U2SURP: variants seen among roughly 807,000 people sequenced by gnomAD.
U2SURP encodes the protein U2 snRNP associated SURP domain containing.
A neutral mutation model predicts 144.9 loss-of-function variants in U2SURP; 9 were observed. The observed-to-expected ratio is 0.06, with a 90% CI of 0.04 to 0.11. The LOEUF is 0.11. Ranked by LOEUF, U2SURP falls within the 10% of genes least tolerant of loss-of-function variation. The probability of loss-of-function intolerance (pLI) is 1.00; values close to 1 mark genes in which losing one functional copy is unlikely to be tolerated. For synonymous variants in U2SURP, 408 were observed against 396.8 expected (o/e 1.03, Z -0.33); for missense variants, 724 against 1,226.7 (o/e 0.59, Z 6.12).
chr3:143,025,757 G>C (rs376844632), intron 13 of U2SURP: 1 of 152,080 alleles, frequency 6.6e-6, no homozygotes, highest in East Asian at 1.9e-4. Flanking sequence ...CCTTTGTAAA[G>C]ATTTAAACTG....
Position 143,012,292 on chromosome 3 carries a change from A to G in U2SURP, c.161A>G (p.Asn54Ser), listed in dbSNP as rs780034027. 8.1e-6 allele frequency: 13 copies of G among 1,613,438 alleles called. No homozygotes were observed. Among genetic ancestry groups the G allele is most frequent in the Non-Finnish European group, 1.1e-5 (13 of 1,179,524 alleles). The change falls in exon 3 of 28, where the codon AAT becomes AGT. Residue 54 changes from asparagine to serine, a missense_variant. Physicochemically the swap from Asn to Ser is conservative, Grantham distance 46 (BLOSUM62 1). Around this residue, in one of 13 missense-constraint regions of U2SURP, gnomAD observed 127 missense variants for 98.2 expected, o/e 1.29. Transcript: ENST00000473835. ...RTRPKSPRKH[N>S]YRNESARESL... is the part of the protein sequence containing the mutation. The stretch of plus-strand genomic sequence containing the variant: ...CGACCTAAGAGCCCAAGAAAACATA[A>G]TTATAGGAATGAAAGTGCCCGTGAA...
intron 26 of U2SURP, among the ~76,000 whole-genome samples, chr3:143,054,119 A>AT (rs2108321056): frequency 1.3e-5 from 2 of 152,330 alleles, no homozygotes; most frequent in East Asian, 3.9e-4. Context: ...GTTGCATCCA[A>AT]TTTAAGCATA....
chr3:143,042,258 G>T (rs932824699), intron 23 of U2SURP, among the ~76,000 whole-genome samples: 1 of 151,952 alleles, frequency 6.6e-6, no homozygotes, highest in African/African-American at 2.4e-5. Context: ...GTGAATACCG[G>T]TATTTGCTAA....
At chr3:143,053,229 C>T (rs530489087) in intron 25 of U2SURP, among the ~76,000 whole-genome samples, 49 of 151,986 alleles carry the variant, frequency 3.2e-4, no homozygotes, top group Non-Finnish European at 5.6e-4. Context: ...TGGAATTTTT[C>T]GGCAGGTGGG....
Position 143,056,570 on chromosome 3 carries a change from T to C in U2SURP, c.*120T>C, listed in dbSNP as rs1935163130. 1.6e-6 allele frequency: 2 copies of C among 1,244,574 alleles called. No individual in the cohort carries two copies. The highest frequency in any genetic ancestry group is 1.5e-5 in the African/African-American group (1 of 65,826). 77.1% of individuals were successfully genotyped at this position (1,244,574 alleles called of 1,614,324 possible). A position where few individuals can be genotyped will look rare whatever the true frequency, so the allele number is the denominator to read the frequency against. ...AGCATTCCTGGGGTTTTTTGTTTGT[T>C]TGTGTATGCATGTGTAAACTCATGA... On this transcript the variant is annotated 3_prime_UTR_variant, in exon 28 of 28. Coordinates refer to ENST00000473835, the MANE Select transcript of U2SURP (RefSeq NM_001080415.2).
intron 13 of U2SURP, chr3:143,024,377 A>AT (rs892634435): frequency 2.7e-6 from 1 of 368,110 alleles, no homozygotes; most frequent in Non-Finnish European, 5.2e-6. Context: ...ATCTGTTGTT[A>AT]TTTTTTTCTT....
chr3:143,021,703 T>G, intron 10 of U2SURP, 148 bp downstream of exon 10: 1 of 716,442 alleles, frequency 1.4e-6, no homozygotes, highest in Non-Finnish European at 2.3e-6. Context: ...TGGCCCAGGT[T>G]GTCTTGCCAC....
At chr3:143,019,001 G>A (rs573348016) in intron 6 of U2SURP, among the ~76,000 whole-genome samples, 1 of 152,294 alleles carries the variant, frequency 6.6e-6, no homozygotes, top group South Asian at 2.1e-4. Flanking sequence ...GTGTGAAGTT[G>A]TACTTCATTG....
chr3:143,028,097 G>A (rs1933261023), intron 14 of U2SURP, among the ~76,000 whole-genome samples: 1 of 152,030 alleles, frequency 6.6e-6, no homozygotes, highest in African/African-American at 2.4e-5. Flanking sequence ...CAGTGAAAAC[G>A]ATCATAAGAC....
intron 1 of U2SURP, among the ~76,000 whole-genome samples, chr3:143,001,945 C>G (rs942326466): frequency 2.0e-5 from 3 of 152,226 alleles, no homozygotes; most frequent in African/African-American, 7.2e-5. Context: ...ATCAGGAATT[C>G]AGATTGAGGT....
At chr3:143,018,716 A>G (rs1384193558) in intron 6 of U2SURP, among the ~76,000 whole-genome samples, 1 of 152,176 alleles carries the variant, frequency 6.6e-6, no homozygotes, top group African/African-American at 2.4e-5. Context: ...GTCGTACACT[A>G]ACACTTTGAG....
In U2SURP at chr3:143,053,795, GTATAACA is replaced by G; in HGVS notation, c.2774+3_2774+9del. 1 of 1,575,556 alleles carries G rather than the reference GTATAACA, an allele frequency of 6.3e-7. No individual in the cohort carries two copies. Among genetic ancestry groups the G allele is most frequent in the Non-Finnish European group, 8.6e-7 (1 of 1,165,470 alleles). The stretch of plus-strand genomic sequence containing the variant: ...AGTGTACTCCGACAAGGAAGGAAAG[GTATAACA>G]TTTCTCATATTTAATTGCATATACT... On this transcript the variant is annotated splice_donor_variant and splice_donor_5th_base_variant and intron_variant, in intron 26 of 27. Transcript: ENST00000473835. LOFTEE classifies it high-confidence loss of function.
chr3:143,042,782 A>G (rs1027943180), intron 23 of U2SURP, among the ~76,000 whole-genome samples: 2 of 152,238 alleles, frequency 1.3e-5, no homozygotes. Context: ...TGAACTGTGA[A>G]GTATGCAGAA....
chr3:143,052,950 G>GTTTTT (rs11436960), intron 25 of U2SURP, among the ~76,000 whole-genome samples: 4 of 132,938 alleles, frequency 3.0e-5, no homozygotes, highest in Non-Finnish European at 4.7e-5. Flanking sequence ...AAATGTGTTG[G>GTTTTT]TTTTTTTTTT....
chr3:143,054,805 T>C (rs1385597144), intron 26 of U2SURP, 138 bp from the exon 27 acceptor site: 3 of 846,002 alleles, frequency 3.5e-6, no homozygotes, highest in Non-Finnish European at 5.1e-6. Flanking sequence ...CAAAGGACTT[T>C]GAGTATTGTT....
At chr3:143,007,682 A>T (rs1413129829) in intron 1 of U2SURP, among the ~76,000 whole-genome samples, 1 of 152,004 alleles carries the variant, frequency 6.6e-6, no homozygotes, top group Non-Finnish European at 1.5e-5. Flanking sequence ...TGACTTTGTG[A>T]TCCGCCCGCC....
intron 23 of U2SURP, among the ~76,000 whole-genome samples, chr3:143,039,483 TG>T (rs1167437192): frequency 1.3e-5 from 2 of 151,958 alleles, no homozygotes; most frequent in African/African-American, 4.8e-5. Context: ...AAATTGTTTT[TG>T]TATTTGACAC....
At chr3:143,001,905 G>A (rs1381779523) in intron 1 of U2SURP, among the ~76,000 whole-genome samples, 1 of 152,256 alleles carries the variant, frequency 6.6e-6, no homozygotes, top group Non-Finnish European at 1.5e-5. Flanking sequence ...AGGCGTGAGT[G>A]CTTCGGCCCG....
At chr3:143,026,456 T>A (rs1018481161) in intron 13 of U2SURP, 1 of 152,158 alleles carries the variant, frequency 6.6e-6, no homozygotes, top group African/African-American at 2.4e-5. Context: ...TATCAATCTC[T>A]TGTTTTGGAG....
Sources: allele counts gnomAD v4.1 joint callset (sites outside exome capture counted in the v4.1 genomes callset), GRCh38; gene constraint gnomAD v4.1.1; regional missense constraint gnomAD v4.1.1; transcripts MANE v1.5; gene names NCBI Gene and HGNC (gene_info 2026-07-23, HGNC 2026-07-21).